The following SOX5 variants were observed in gnomAD, a reference collection of about 807,000 sequenced individuals.
SOX5 encodes SRY-box transcription factor 5.
In SOX5, 9 loss-of-function variants were observed where a neutral mutation model predicts 92.0. The ratio of observed to expected loss-of-function variants is 0.10; its 90% CI spans 0.06 to 0.17. The LOEUF (loss-of-function observed/expected upper bound fraction) is 0.17. SOX5 is among the 10% of genes least tolerant of loss of function. The pLI, the probability that SOX5 is intolerant of heterozygous loss-of-function variation, is 1.00. For synonymous variants in SOX5, 344 were observed against 336.3 expected (o/e 1.02, Z -0.25); for missense variants, 642 against 944.5 (o/e 0.68, Z 4.20).
At position 24,074,630 on chromosome 12, in the gene SOX5, CAA is replaced by C. The variant is rs76320418; in HGVS notation, c.-2+138711_-2+138712del. On this transcript the variant is annotated intron_variant, in intron 4 of 4. Coordinates refer to the SOX5 transcript ENST00000446891. ...CTTAGTGTTTATTTCTGTAAACTACCAAAAAAAAAAAAAAAAAAAAAAAGCTC... is the reference window on the plus strand; with the variant it reads ...CTTAGTGTTTATTTCTGTAAACTACCAAAAAAAAAAAAAAAAAAAAAGCTC... Among the ~76,000 whole-genome samples the C allele has an allele frequency of 1.1e-3, 56 of 51,268 alleles. No homozygotes were observed. The South Asian group carries it at 0.011, about 10-fold the overall frequency. 33.6% of individuals were successfully genotyped at this position (51,268 alleles called of 152,430 possible).
chr12:23,712,311 T>C (rs1284711428), intron 6 of SOX5, among the ~76,000 whole-genome samples: 1 of 152,198 alleles, frequency 6.6e-6, no homozygotes, highest in East Asian at 1.9e-4. Context: ...GTAAGAGTAA[T>C]GGAAAACATG....
chr12:23,749,379 T>C (rs764604525), intron 4 of SOX5, among the ~76,000 whole-genome samples: 2 of 151,956 alleles, frequency 1.3e-5, no homozygotes, highest in African/African-American at 2.4e-5. Context: ...TTTTTAAATA[T>C]GTTTATGATT....
At chr12:24,212,698 A>C (rs946056983) in intron 4 of SOX5, among the ~76,000 whole-genome samples, 1 of 152,238 alleles carries the variant, frequency 6.6e-6, no homozygotes, top group African/African-American at 2.4e-5. Context: ...GCTTACTGAG[A>C]AACGTGACTA....
At position 23,742,078 on chromosome 12, in the gene SOX5, C is replaced by A. The variant is rs886212846; in HGVS notation, c.569-1039G>T. 5.9e-5 allele frequency among the ~76,000 whole-genome samples: 9 copies of A among 152,242 alleles called. No homozygotes were observed. The South Asian group carries it at 1.7e-3, about 28-fold the overall frequency. Reference sequence around the variant, plus strand: ...CACTTCAAACATAAGACACTAAGCACTGTTTTACTACTGCATTTGCCACCT... The same window carrying A: ...CACTTCAAACATAAGACACTAAGCAATGTTTTACTACTGCATTTGCCACCT... On this transcript the variant is annotated intron_variant, in intron 4 of 14. Coordinates refer to ENST00000451604, the MANE Select transcript of SOX5 (RefSeq NM_006940.6).
At chr12:24,259,758 C>T (rs932741265) in intron 3 of SOX5, among the ~76,000 whole-genome samples, 3 of 152,092 alleles carry the variant, frequency 2.0e-5, no homozygotes, top group African/African-American at 7.2e-5. Flanking sequence ...GGGTGATGAT[C>T]TATAAAAGAA....
intron 10 of SOX5, among the ~76,000 whole-genome samples, chr12:23,569,304 A>G (rs1051233221): frequency 5.9e-5 from 9 of 152,220 alleles, no homozygotes; most frequent in African/African-American, 1.9e-4. Context: ...TTCAAGAAAC[A>G]TTTCAAAAAT....
At chr12:23,646,008 C>G (rs1026158153) in intron 7 of SOX5, among the ~76,000 whole-genome samples, 1 of 152,036 alleles carries the variant, frequency 6.6e-6, no homozygotes, top group African/African-American at 2.4e-5. Context: ...CATATACATA[C>G]CTTAATAAAA....
intron 4 of SOX5, among the ~76,000 whole-genome samples, chr12:24,109,323 A>T (rs1253716492): frequency 6.6e-6 from 1 of 152,210 alleles, no homozygotes; most frequent in Non-Finnish European, 1.5e-5. Flanking sequence ...ACCACAAAAT[A>T]ATTGGTAAAA....
chr12:24,385,306 T>C (rs886189614), intron 1 of SOX5, among the ~76,000 whole-genome samples: 1 of 152,178 alleles, frequency 6.6e-6, no homozygotes, highest in Non-Finnish European at 1.5e-5. Context: ...TATGACAACA[T>C]AGGCTTTGTG....
intron 4 of SOX5, among the ~76,000 whole-genome samples, chr12:24,026,570 C>T (rs1292470974): frequency 9.0e-6 from 1 of 111,716 alleles, no homozygotes; most frequent in African/African-American, 3.5e-5. Flanking sequence ...GGCGACAAGG[C>T]AAAACCCTGT....
At chr12:24,374,759 C>G (rs1224674583) in intron 1 of SOX5, among the ~76,000 whole-genome samples, 1 of 152,134 alleles carries the variant, frequency 6.6e-6, no homozygotes, top group Non-Finnish European at 1.5e-5. Context: ...AACTCAAGGA[C>G]CAGCATGAAT....
chr12:24,067,330 A>C (rs564662389), intron 4 of SOX5, among the ~76,000 whole-genome samples: 1 of 152,328 alleles, frequency 6.6e-6, no homozygotes, highest in South Asian at 2.1e-4. Flanking sequence ...AAAACGTAAT[A>C]TAGTCAAAAC....
At chr12:23,952,669 G>A (rs913716151), upstream of SOX5, among the ~76,000 whole-genome samples, 1 of 152,036 alleles carries the variant, frequency 6.6e-6, no homozygotes, top group Non-Finnish European at 1.5e-5. Flanking sequence ...AATAGACGAG[G>A]AACTAGACAG....
At chr12:24,214,745 C>T (rs1351450207) in intron 3 of SOX5, among the ~76,000 whole-genome samples, 1 of 152,068 alleles carries the variant, frequency 6.6e-6, no homozygotes, top group Non-Finnish European at 1.5e-5. Flanking sequence ...TTCTGAAATA[C>T]TGGTCTAACA....
At position 23,698,594 on chromosome 12, in the gene SOX5, C is replaced by T. The variant is rs535996101; in HGVS notation, c.811-33030G>A. ...GTGAATATATTTTTAATAGCTGTTTCAACATCTTTGTCTACTTATTCTAAC... is the reference window on the plus strand; with the variant it reads ...GTGAATATATTTTTAATAGCTGTTTTAACATCTTTGTCTACTTATTCTAAC... On this transcript the variant is annotated intron_variant, in intron 6 of 14. Transcript: ENST00000451604. Among the ~76,000 whole-genome samples, 4 of 152,256 alleles carry T rather than the reference C, an allele frequency of 2.6e-5. No individual in the cohort carries two copies. The South Asian group carries it at 6.2e-4, about 24-fold the overall frequency.
rs192466386 is a variant in SOX5 at position 23,936,721 on chromosome 12, A to T, written c.38+12843T>A. On this transcript the variant is annotated intron_variant, in intron 1 of 14. Transcript: ENST00000451604. Reference sequence around the variant, plus strand: ...CACGTGTAATTTTAAATTTTCTAGTAGTCATATTTAACAAGTTTTTAAAAA... The same window carrying T: ...CACGTGTAATTTTAAATTTTCTAGTTGTCATATTTAACAAGTTTTTAAAAA... Among the ~76,000 whole-genome samples the T allele has an allele frequency of 7.9e-5, 12 of 151,154 alleles. No individual in the cohort carries two copies. The East Asian group carries it at 1.9e-3, about 24-fold the overall frequency.
intron 4 of SOX5, among the ~76,000 whole-genome samples, chr12:24,184,058 T>G (rs1470860085): frequency 1.3e-5 from 2 of 152,164 alleles, no homozygotes; most frequent in African/African-American, 4.8e-5. Context: ...ATTATACCTA[T>G]CTGCAAATAC....
At chr12:23,863,308 A>T (rs954998920) in intron 2 of SOX5, among the ~76,000 whole-genome samples, 3 of 152,298 alleles carry the variant, frequency 2.0e-5, no homozygotes, top group African/African-American at 7.2e-5. Flanking sequence ...TTCTGGAAAA[A>T]AATTACTAAA....
chr12:24,091,454 G>C (rs567527097), intron 4 of SOX5, among the ~76,000 whole-genome samples: 16 of 127,508 alleles, frequency 1.3e-4, no homozygotes, highest in Admixed American at 7.9e-4. Flanking sequence ...TTTTGAGATG[G>C]AGTTTTACTT....
Sources: allele counts gnomAD v4.1 joint callset (sites outside exome capture counted in the v4.1 genomes callset), GRCh38; gene constraint gnomAD v4.1.1; transcripts MANE v1.5; gene names NCBI Gene and HGNC (gene_info 2026-07-23, HGNC 2026-07-21).